PDXK: variants seen among roughly 807,000 people sequenced by gnomAD.
PDXK encodes pyridoxal kinase.
A neutral mutation model predicts 43.2 loss-of-function variants in PDXK; 15 were observed. That is an observed-to-expected ratio of 0.35 (90% confidence interval 0.23 to 0.53). The LOEUF is 0.53. Among genes scored for constraint, PDXK ranks in the 20% least tolerant of loss-of-function variants. The probability of loss-of-function intolerance (pLI) is 0.92; values close to 1 mark genes in which losing one functional copy is unlikely to be tolerated. For synonymous variants in PDXK, 172 were observed against 165.4 expected (o/e 1.04, Z -0.31); for missense variants, 343 against 417.0 (o/e 0.82, Z 1.54).
intron 1 of PDXK, 86 bp downstream of exon 1, chr21:43,719,467 G>A: frequency 7.4e-7 from 1 of 1,355,792 alleles, no homozygotes; most frequent in Non-Finnish European, 9.8e-7. Flanking sequence ...AGTTCCCCGA[G>A]GGAGGCTCGG....
At chr21:43,749,212 C>A (rs573101989) in intron 6 of PDXK, 132 bp downstream of exon 6, 93 of 513,194 alleles carry the variant, frequency 1.8e-4, no homozygotes, top group South Asian at 1.5e-3. Flanking sequence ...TCAAGCAATT[C>A]TCCTGCCTCA....
rs993512896 is a variant in PDXK at position 43,754,073 on chromosome 21, T to C, written c.759+354T>C. Among the ~76,000 whole-genome samples the C allele has an allele frequency of 6.6e-6, 1 of 152,210 alleles. No homozygotes were observed. The highest frequency in any genetic ancestry group is 1.9e-4 in the East Asian group (1 of 5,196). ...ATGGAGCTGTTGTGTCCTTGGTGAC[T>C]TGGGGGCTGCTGCAGAGGAGTGGCA... is the stretch of plus-strand genomic sequence containing the variant. On this transcript the variant is annotated intron_variant, in intron 9 of 10. Coordinates refer to ENST00000291565, the MANE Select transcript of PDXK (RefSeq NM_003681.5). This position sits in a 1 kb window ranked among gnomAD's most constrained non-coding sequence, Gnocchi z 5.5.
rs13050307 is a variant in PDXK at position 43,733,870 on chromosome 21, A to G, written c.88-199A>G. ...GAGGGAAGCCCAGCTCCAGACACAC[A>G]AGGCCCTGCCTGTGCACATGTCATG... is the stretch of plus-strand genomic sequence containing the variant. On this transcript the variant is annotated intron_variant, in intron 1 of 10. Transcript: ENST00000291565. 0.27 allele frequency among the ~76,000 whole-genome samples: 41,620 copies of G among 152,188 alleles called. 7,005 individuals carry two copies. Among genetic ancestry groups the G allele is most frequent in the African/African-American group, 0.46 (19,099 of 41,518 alleles).
intron 4 of PDXK, chr21:43,745,604 A>G (rs1601822322): frequency 6.0e-6 from 1 of 166,624 alleles, no homozygotes; most frequent in South Asian, 1.5e-4. Context: ...ACGCTTAAAC[A>G]TGCTTACACT....
chr21:43,750,975 T>TGC, intron 7 of PDXK, among the ~76,000 whole-genome samples: 1 of 152,080 alleles, frequency 6.6e-6, no homozygotes, highest in East Asian at 1.9e-4. Flanking sequence ...TGTGTGTGTG[T>TGC]GTGTGCACAT....
rs528695971 is a variant in PDXK, at chr21:43,737,392, G to A, written c.142+3269G>A. 2 of 1,174,638 alleles carry A rather than the reference G, an allele frequency of 1.7e-6. No homozygotes were observed. The highest frequency in any genetic ancestry group is 4.1e-5 in the South Asian group (2 of 48,516). The allele number at this position is 1,174,638 out of a possible 1,614,324, so 72.8% of individuals were successfully genotyped here. The stretch of plus-strand genomic sequence containing the variant: ...CGTTCATTTTTCCACACCGTGAGCT[G>A]GGCTTGGCAGAGCCTCCACCTTGTG... On this transcript the variant is annotated intron_variant, in intron 2 of 10. Coordinates refer to ENST00000291565, the MANE Select transcript of PDXK (RefSeq NM_003681.5). The surrounding 1 kb of genome is among the most constrained non-coding windows in gnomAD (Gnocchi z 4.8).
chr21:43,733,271 C>CCCCG (rs2083349400), intron 1 of PDXK, among the ~76,000 whole-genome samples: 2 of 136,456 alleles, frequency 1.5e-5, no homozygotes, highest in African/African-American at 5.3e-5. Context: ...CCCCGCCCCC[C>CCCCG]CCGCCCTGGA....
At position 43,732,046 on chromosome 21, in the gene PDXK, T is replaced by C. The variant is rs150188491; in HGVS notation, c.88-2023T>C. 7.2e-4 allele frequency: 474 copies of C among 660,304 alleles called. 2 individuals carry two copies. The African/African-American group carries it at 8.5e-3, about 12-fold the overall frequency. 40.9% of individuals were successfully genotyped at this position (660,304 alleles called of 1,614,324 possible). A position where few individuals can be genotyped will look rare whatever the true frequency, so the allele number is the denominator to read the frequency against. On this transcript the variant is annotated intron_variant, in intron 1 of 10. Coordinates refer to ENST00000291565, the MANE Select transcript of PDXK (RefSeq NM_003681.5). This position sits in a 1 kb window ranked among gnomAD's most constrained non-coding sequence, Gnocchi z 4.1. ...GCCACAAAGTGGATTCCGCTGCTGC[T>C]ATGGGAAGGGACGGTCACTACCGCT...
intron 5 of PDXK, 118 bp from the exon 6 acceptor site, chr21:43,748,877 G>A: frequency 1.5e-6 from 1 of 676,570 alleles, no homozygotes; most frequent in Non-Finnish European, 2.6e-6. Flanking sequence ...CCTGGCCCCT[G>A]AGCCTGGACT....
In PDXK at chr21:43,758,087, C is replaced by T. The variant is rs1310571894; in HGVS notation, c.*2024C>T. 6.5e-6 allele frequency: 1 copy of T among 153,222 alleles called. No homozygotes were observed. Among genetic ancestry groups the T allele is most frequent in the Non-Finnish European group, 1.5e-5 (1 of 67,970 alleles). The allele number at this position is 153,222 out of a possible 1,614,324, so 9.5% of individuals were successfully genotyped here. On this transcript the variant is annotated 3_prime_UTR_variant, in exon 11 of 11. Coordinates refer to ENST00000291565, the MANE Select transcript of PDXK (RefSeq NM_003681.5). ...GCTGGTGAAAAACCCAGCATGAGAA[C>T]GCAGTGTCAGGTGTGGGACTCCTTC...
chr21:43,737,500 G>A lies in PDXK; in HGVS notation c.142+3377G>A. On this transcript the variant is annotated intron_variant, in intron 2 of 10. Transcript: ENST00000291565. This position sits in a 1 kb window ranked among gnomAD's most constrained non-coding sequence, Gnocchi z 4.8. Reference sequence around the variant, plus strand: ...CCCGGACTGAGGGCACTGGGAAGGAGCCTGCGGAGCTGGAGGTCAGCGGGT... The same window carrying A: ...CCCGGACTGAGGGCACTGGGAAGGAACCTGCGGAGCTGGAGGTCAGCGGGT... 1.9e-6 allele frequency: 2 copies of A among 1,037,488 alleles called. No individual in the cohort carries two copies. Among genetic ancestry groups the A allele is most frequent in the South Asian group, 6.7e-5 (2 of 29,974 alleles). The allele number at this position is 1,037,488 out of a possible 1,614,324, so 64.3% of individuals were successfully genotyped here.
At chr21:43,741,830 C>A in intron 3 of PDXK, 59 bp downstream of exon 3, 1 of 1,182,574 alleles carries the variant, frequency 8.5e-7, no homozygotes, top group South Asian at 1.2e-5. Flanking sequence ...CCAGGGTGGG[C>A]TCAGGGAGGT....
rs146695523 is a variant in PDXK at position 43,734,131 on chromosome 21, G to A, written c.142+8G>A. The A allele has an allele frequency of 1.2e-4, 199 of 1,613,412 alleles. 2 individuals carry two copies. In the African/African-American group the frequency reaches 2.2e-3, roughly 18 times the overall value. On this transcript the variant is annotated splice_region_variant and intron_variant, in intron 2 of 10. Coordinates refer to ENST00000291565, the MANE Select transcript of PDXK (RefSeq NM_003681.5). The surrounding 1 kb of genome is among the most constrained non-coding windows in gnomAD (Gnocchi z 5.0). ...AGTTTTCAAACCACACAGGTAAGGC[G>A]TTGGCTCCAGCAGCTGGCATAGAGC... is the stretch of plus-strand genomic sequence containing the variant.
intron 5 of PDXK, among the ~76,000 whole-genome samples, chr21:43,748,703 CCTCT>C (rs954265464): frequency 6.6e-6 from 1 of 152,138 alleles, no homozygotes; most frequent in African/African-American, 2.4e-5. Context: ...TCCCTCCCTC[CCTCT>C]CTCCTTCACC....
chr21:43,745,970 C>G (rs2083631913), intron 4 of PDXK, 109 bp from the exon 5 acceptor site: 14 of 886,752 alleles, frequency 1.6e-5, no homozygotes, highest in Non-Finnish European at 2.6e-5. Context: ...GCACTCCAGC[C>G]TGGACAACAG....
At chr21:43,743,945 G>GT in intron 4 of PDXK, 138 bp downstream of exon 4, 1 of 671,956 alleles carries the variant, frequency 1.5e-6, no homozygotes. Flanking sequence ...CCAGTGAATT[G>GT]TGTCTGCTGG....
chr21:43,727,044 C>T (rs186670732), intron 1 of PDXK, among the ~76,000 whole-genome samples: 7 of 152,336 alleles, frequency 4.6e-5, no homozygotes, highest in Admixed American at 2.6e-4. Flanking sequence ...CCGGCCCCCC[C>T]GTCTTTCCTG....
intron 7 of PDXK, 85 bp from the exon 8 acceptor site, chr21:43,752,433 C>T: frequency 1.1e-6 from 1 of 887,020 alleles, no homozygotes; most frequent in Non-Finnish European, 1.8e-6. Flanking sequence ...GTGCCACTGC[C>T]AGGTGATGGA....
In PDXK at chr21:43,743,635, G is replaced by A. The variant is rs554185958; in HGVS notation, c.248-89G>A. On this transcript the variant is annotated intron_variant, in intron 3 of 10. Coordinates refer to ENST00000291565, the MANE Select transcript of PDXK (RefSeq NM_003681.5). ...TCCCTCCCCAGCCACCCCTCTGCAGGGTCTGCTGGTGCTTCTCTTTCTTTG... is the reference window on the plus strand; with the variant it reads ...TCCCTCCCCAGCCACCCCTCTGCAGAGTCTGCTGGTGCTTCTCTTTCTTTG... The A allele has an allele frequency of 2.4e-4, 225 of 920,574 alleles. No individual in the cohort carries two copies. In the African/African-American group the frequency reaches 3.4e-3, roughly 14 times the overall value. 57.0% of individuals were successfully genotyped at this position (920,574 alleles called of 1,614,324 possible).
Sources: allele counts gnomAD v4.1 joint callset (sites outside exome capture counted in the v4.1 genomes callset), GRCh38; gene constraint gnomAD v4.1.1; non-coding constraint Gnocchi (gnomAD v3.1); transcripts MANE v1.5; gene names NCBI Gene and HGNC (gene_info 2026-07-23, HGNC 2026-07-21).